The following PRUNE1 variants were observed in gnomAD, a reference collection of about 807,000 sequenced individuals.
The protein encoded by PRUNE1 is prune exopolyphosphatase 1.
Under a neutral mutation model 42.5 loss-of-function variants are expected in PRUNE1, and 25 were observed. That is an observed-to-expected ratio of 0.59 (90% confidence interval 0.43 to 0.82). The LOEUF (loss-of-function observed/expected upper bound fraction) is 0.82. Ranked by LOEUF, PRUNE1 falls within the 40% of genes least tolerant of loss-of-function variation. The pLI, the probability that PRUNE1 is intolerant of heterozygous loss-of-function variation, is 0.00. For synonymous variants in PRUNE1, 203 were observed against 217.1 expected, an observed-to-expected ratio of 0.93 and a Z score of 0.57; for missense variants, 443 against 539.3, an observed-to-expected ratio of 0.82 and a Z score of 1.77.
chr1:151,027,389 G>C, intron 6 of PRUNE1, 62 bp downstream of exon 6: 1 of 1,193,706 alleles, frequency 8.4e-7, no homozygotes, highest in South Asian at 1.3e-5. Context: ...TGTTATGCAT[G>C]TGGCCTTGCA....
intron 3 of PRUNE1, 116 bp from the exon 4 acceptor site, chr1:151,024,495 C>CA (rs370589960): frequency 0.064 from 47,780 of 750,702 alleles, 9 homozygotes; most frequent in South Asian, 0.076. Flanking sequence ...AACTCCGTCT[C>CA]AAAAAAAAAA....
At chr1:151,012,865 G>A (rs866660576) in intron 1 of PRUNE1, among the ~76,000 whole-genome samples, 1 of 151,500 alleles carries the variant, frequency 6.6e-6, no homozygotes, top group Non-Finnish European at 1.5e-5. Context: ...TCCGCCTCCC[G>A]GGTTCAAGCA....
intron 5 of PRUNE1, among the ~76,000 whole-genome samples, chr1:151,027,032 C>T (rs1378170525): frequency 6.6e-6 from 1 of 151,900 alleles, no homozygotes; most frequent in Non-Finnish European, 1.5e-5. Flanking sequence ...GTGATCCGCC[C>T]ACCTCAGCCT....
chr1:151,022,549 G>A (rs1414042649), intron 3 of PRUNE1, among the ~76,000 whole-genome samples: 1 of 151,540 alleles, frequency 6.6e-6, no homozygotes, highest in Non-Finnish European at 1.5e-5. Context: ...CTCCCGAGTA[G>A]CTGGGACTAC....
At chr1:151,009,813 A>G (rs1346392869) in intron 1 of PRUNE1, among the ~76,000 whole-genome samples, 2 of 152,212 alleles carry the variant, frequency 1.3e-5, no homozygotes, top group East Asian at 3.8e-4. Context: ...AGTTATTTCA[A>G]TGCATAAGGC....
chr1:151,017,802 TTCTC>T lies in PRUNE1; in HGVS notation c.40-7_40-4del, dbSNP rs754268314. 1 of 1,531,966 alleles carries T rather than the reference TTCTC, an allele frequency of 6.5e-7. No individual in the cohort carries two copies. The highest frequency in any genetic ancestry group is 9.0e-7 in the Non-Finnish European group (1 of 1,116,020). The allele number at this position is 1,531,966 out of a possible 1,614,324, so 94.9% of individuals were successfully genotyped here. ...ACTTTTGTTAGTTTCCCATTTTCCT[TTCTC>T]TCCAGGAGTCCCGACCTCTACATGT... is the stretch of plus-strand genomic sequence containing the variant. On this transcript the variant is annotated splice_polypyrimidine_tract_variant and splice_region_variant and intron_variant, in intron 1 of 7. Transcript: ENST00000271620.
chr1:151,025,098 C>T (rs1052190677), intron 4 of PRUNE1, among the ~76,000 whole-genome samples: 1 of 152,092 alleles, frequency 6.6e-6, no homozygotes, highest in South Asian at 2.1e-4. Context: ...CCAATTCCTC[C>T]AGGAAATAGG....
intron 1 of PRUNE1, among the ~76,000 whole-genome samples, chr1:151,016,471 G>C (rs1469183042): frequency 6.6e-6 from 1 of 152,002 alleles, no homozygotes; most frequent in African/African-American, 2.4e-5. Context: ...CTGTCACCCC[G>C]ATTTTGGGCA....
intron 2 of PRUNE1, 95 bp downstream of exon 2, chr1:151,017,999 T>C (rs1212633722): frequency 2.5e-6 from 2 of 808,666 alleles, no homozygotes; most frequent in Non-Finnish European, 4.1e-6. Flanking sequence ...GCATTTAGCA[T>C]TGGGTAAATT....
At chr1:151,029,190 G>A (rs1050214950) in intron 7 of PRUNE1, among the ~76,000 whole-genome samples, 2 of 151,124 alleles carry the variant, frequency 1.3e-5, no homozygotes, top group East Asian at 1.9e-4. Context: ...TGAGAAAGGG[G>A]GAATTCCAAA....
chr1:151,022,416 ATTTTT>A (rs35567560), intron 3 of PRUNE1, among the ~76,000 whole-genome samples: 2 of 135,130 alleles, frequency 1.5e-5, no homozygotes, highest in South Asian at 2.3e-4. Context: ...GGCCTGGCTA[ATTTTT>A]TTTTTTTTTT....
chr1:151,027,585 T>TG (rs1165213953), intron 6 of PRUNE1, among the ~76,000 whole-genome samples: 2 of 13,362 alleles, frequency 1.5e-4, no homozygotes, highest in Non-Finnish European at 2.7e-4. Context: ...TCTTTTTTAA[T>TG]TTTTTTTTTT....
At chr1:151,032,061 A>G (rs587701263) in intron 7 of PRUNE1, among the ~76,000 whole-genome samples, 93 of 152,216 alleles carry the variant, frequency 6.1e-4, no homozygotes, top group South Asian at 2.5e-3. Context: ...CCTGGCCAAT[A>G]TGGCGAAACC....
At chr1:151,033,766 C>T (rs370598204) in intron 7 of PRUNE1, 40 bp from the exon 8 acceptor site, 23 of 1,560,614 alleles carry the variant, frequency 1.5e-5, no homozygotes, top group Non-Finnish European at 1.9e-5. Context: ...TTTGCTACAG[C>T]AAGTTGTGTA....
intron 5 of PRUNE1, among the ~76,000 whole-genome samples, 171 bp downstream of exon 5, chr1:151,025,844 G>A (rs899129114): frequency 2.6e-5 from 4 of 151,702 alleles, no homozygotes; most frequent in Admixed American, 6.6e-5. Flanking sequence ...GGGTTCAAGC[G>A]ATTCTCCTGC....
At chr1:151,018,035 A>T (rs1426601128) in intron 2 of PRUNE1, 131 bp downstream of exon 2, 4 of 652,270 alleles carry the variant, frequency 6.1e-6, no homozygotes, top group Non-Finnish European at 1.1e-5. Context: ...GCTGAGTCTC[A>T]TGCCACCATC....
intron 7 of PRUNE1, among the ~76,000 whole-genome samples, chr1:151,032,699 G>C (rs1200204183): frequency 8.2e-6 from 1 of 121,532 alleles, no homozygotes; most frequent in Non-Finnish European, 1.7e-5. Context: ...GGGCGACAGA[G>C]CAAGACTCTG....
Position 151,018,539 on chromosome 1 carries a change from A to C in PRUNE1, c.205A>C (p.Ile69Leu). 1 of 1,613,726 alleles carries C rather than the reference A, an allele frequency of 6.2e-7. No homozygotes were observed. Among genetic ancestry groups the C allele is most frequent in the Non-Finnish European group, 8.5e-7 (1 of 1,179,656 alleles). ...TTCTGAACTACCTCTGCGAGGTGAC[A>C]TTGTCTTCTTTCTTCAGAAGGTTCA... is the stretch of plus-strand genomic sequence containing the variant. ...KRSELPLRGD[I>L]VFFLQKVHIP... The change falls in exon 3 of 8, where the codon ATT becomes CTT. Residue 69 changes from isoleucine (I) to leucine (L), a missense_variant. Ile to Leu is a conservative substitution (Grantham distance 5). Transcript: ENST00000271620.
At chr1:151,033,641 C>T (rs185111354) in intron 7 of PRUNE1, among the ~76,000 whole-genome samples, 165 bp from the exon 8 acceptor site, 25 of 148,706 alleles carry the variant, frequency 1.7e-4, no homozygotes, top group Admixed American at 6.0e-4. Flanking sequence ...CCACCCGCCT[C>T]GGCCTCCCAA....
Sources: gnomAD v4.1 joint callset for allele counts (sites outside exome capture counted in the v4.1 genomes callset) on GRCh38, gnomAD v4.1.1 for gene constraint, MANE v1.5 for transcripts, NCBI Gene and HGNC (gene_info 2026-07-23, HGNC 2026-07-21) for gene names.